TSEN15: variants seen among roughly 807,000 people sequenced by gnomAD.
TSEN15 encodes tRNA-splicing endonuclease subunit Sen15.
A neutral mutation model predicts 20.5 loss-of-function variants in TSEN15; 10 were observed. That is an observed-to-expected ratio of 0.49 (90% CI 0.30 to 0.83). The LOEUF (loss-of-function observed/expected upper bound fraction) is 0.83, where lower values mean the gene tolerates loss of function less well. Among genes scored for constraint, TSEN15 ranks in the 40% least tolerant of loss-of-function variants. The pLI is 0.06. For synonymous variants in TSEN15, 72 were observed against 80.1 expected (o/e 0.90, Z 0.54); for missense variants, 180 against 218.6 (o/e 0.82, Z 1.11).
At chr1:184,076,761 G>T (rs1557887935), downstream of TSEN15, among the ~76,000 whole-genome samples, 1 of 152,138 alleles carries the variant, frequency 6.6e-6, no homozygotes, top group South Asian at 2.1e-4. Context: ...AGTTTGAGTG[G>T]TCTGCAGAGA....
chr1:184,082,948 A>G (rs1019738080), intron 3 of TSEN15, among the ~76,000 whole-genome samples: 2 of 152,194 alleles, frequency 1.3e-5, no homozygotes, highest in African/African-American at 2.4e-5. Flanking sequence ...ATCAGTTAAT[A>G]TATCAAAAAT....
At chr1:184,055,035 G>A (rs745967611) in intron 3 of TSEN15, 172 bp downstream of exon 3, 3 of 675,368 alleles carry the variant, frequency 4.4e-6, no homozygotes, top group Non-Finnish European at 7.0e-6. Flanking sequence ...TTCTTGCATT[G>A]CTATAAAGAA....
At chr1:184,091,372 A>G (rs1368174902) in intron 3 of TSEN15, among the ~76,000 whole-genome samples, 2 of 152,068 alleles carry the variant, frequency 1.3e-5, no homozygotes, top group Non-Finnish European at 2.9e-5. Flanking sequence ...ACCAAGGCTC[A>G]GAAATTGATA....
At chr1:184,075,911 T>TATATATATA (rs71297848), downstream of TSEN15, among the ~76,000 whole-genome samples, 4 of 102,754 alleles carry the variant, frequency 3.9e-5, no homozygotes, top group African/African-American at 1.5e-4. Context: ...TATATATATA[T>TATATATATA]TTTTTTTTTT....
intron 4 of TSEN15, 78 bp downstream of exon 4, chr1:184,072,376 A>G: frequency 8.7e-6 from 12 of 1,374,712 alleles, no homozygotes; most frequent in Non-Finnish European, 1.2e-5. Flanking sequence ...GACTCAAGTC[A>G]GTCACAGAAC....
chr1:184,083,336 A>C (rs1651203823), intron 3 of TSEN15, among the ~76,000 whole-genome samples: 1 of 152,210 alleles, frequency 6.6e-6, no homozygotes, highest in Admixed American at 6.5e-5. Context: ...GATCCCTTAT[A>C]TTTTGATCCC....
intron 3 of TSEN15, among the ~76,000 whole-genome samples, chr1:184,089,638 A>G (rs1019286319): frequency 6.6e-6 from 1 of 152,004 alleles, no homozygotes; most frequent in African/African-American, 2.4e-5. Flanking sequence ...ATATTTAATA[A>G]TAAATGAAAT....
intron 3 of TSEN15, among the ~76,000 whole-genome samples, chr1:184,069,293 T>G (rs1399669450): frequency 6.6e-6 from 1 of 152,184 alleles, no homozygotes; most frequent in Non-Finnish European, 1.5e-5. Context: ...GATTTTTCCC[T>G]TTAGATATAA....
rs550317245 is a variant in TSEN15, at chr1:184,067,287, CA to C, written c.354-4869del. On this transcript the variant is annotated intron_variant, in intron 3 of 4. Coordinates refer to ENST00000645668, the MANE Select transcript of TSEN15 (RefSeq NM_052965.4). ...ACTCTGGCTTAAGCTGCTATTATCTCACCTCCTGGACCTACTAAGTGGTCCT... is the reference window on the plus strand; with the variant it reads ...ACTCTGGCTTAAGCTGCTATTATCTCCCTCCTGGACCTACTAAGTGGTCCT... Among the ~76,000 whole-genome samples, 470 of 152,308 alleles carry C rather than the reference CA, an allele frequency of 3.1e-3. 2 individuals carry two copies. The highest frequency in any genetic ancestry group is 7.4e-3 in the African/African-American group (306 of 41,568).
At chr1:184,060,909 G>C (rs1013296772) in intron 3 of TSEN15, among the ~76,000 whole-genome samples, 1 of 152,136 alleles carries the variant, frequency 6.6e-6, no homozygotes, top group African/African-American at 2.4e-5. Flanking sequence ...TAAGGCAAAC[G>C]TCTAGAACTC....
At chr1:184,066,956 A>G (rs1397025284) in intron 3 of TSEN15, among the ~76,000 whole-genome samples, 1 of 152,162 alleles carries the variant, frequency 6.6e-6, no homozygotes, top group Non-Finnish European at 1.5e-5. Context: ...AGAGTTTTAC[A>G]GTTTTCCTCA....
chr1:184,078,156 C>G (rs1651099878), downstream of TSEN15, among the ~76,000 whole-genome samples: 1 of 152,114 alleles, frequency 6.6e-6, no homozygotes, highest in South Asian at 2.1e-4. Context: ...AACCACCACT[C>G]TGATCAGTTA....
chr1:184,076,090 A>G (rs1651056226), downstream of TSEN15, among the ~76,000 whole-genome samples: 1 of 151,954 alleles, frequency 6.6e-6, no homozygotes, highest in South Asian at 2.1e-4. Flanking sequence ...TAATATAAGC[A>G]GGTATTCCTT....
At chr1:184,077,301 A>T (rs1166766426), downstream of TSEN15, among the ~76,000 whole-genome samples, 1 of 152,186 alleles carries the variant, frequency 6.6e-6, no homozygotes, top group African/African-American at 2.4e-5. Flanking sequence ...GGATGAAAGC[A>T]CATCTGTTTA....
At chr1:184,070,689 G>A (rs1179037567) in intron 3 of TSEN15, 2 of 1,285,490 alleles carry the variant, frequency 1.6e-6, no homozygotes, top group Admixed American at 4.8e-5. Flanking sequence ...AAGCAATTGT[G>A]ATATGCTGCC....
intron 3 of TSEN15, chr1:184,058,148 T>A (rs1451770129): frequency 9.3e-6 from 4 of 428,938 alleles, no homozygotes; most frequent in Non-Finnish European, 1.9e-5. Flanking sequence ...TGTTAATTTC[T>A]AGTATTTTCC....
intron 3 of TSEN15, among the ~76,000 whole-genome samples, chr1:184,085,426 G>C (rs888942750): frequency 6.6e-6 from 1 of 152,184 alleles, no homozygotes; most frequent in Non-Finnish European, 1.5e-5. Flanking sequence ...GATACATAGT[G>C]GGTGTTCCAC....
chr1:184,096,896 A>C (rs1214983775), exon 4 of TSEN15: 3 of 152,166 alleles, frequency 2.0e-5, no homozygotes, highest in African/African-American at 7.2e-5. Context: ...TCCCTCCCAC[A>C]ACACGTGGGA....
intron 3 of TSEN15, among the ~76,000 whole-genome samples, chr1:184,055,644 A>T (rs1032072986): frequency 2.0e-5 from 3 of 152,214 alleles, no homozygotes; most frequent in Non-Finnish European, 2.9e-5. Context: ...TCAAATTTTC[A>T]TGTAGCTTTT....
Sources: allele counts gnomAD v4.1 joint callset (sites outside exome capture counted in the v4.1 genomes callset), GRCh38; gene constraint gnomAD v4.1.1; transcripts MANE v1.5; gene names NCBI Gene and HGNC (gene_info 2026-07-23, HGNC 2026-07-21).